The following CDC5L variants were observed in gnomAD, a reference collection of about 807,000 sequenced individuals.
CDC5L encodes the protein cell division cycle 5-like protein.
A neutral mutation model predicts 104.1 loss-of-function variants in CDC5L; 18 were observed. The observed-to-expected ratio is 0.17, with a 90% CI of 0.12 to 0.26. The LOEUF is 0.26. CDC5L is among the 10% of genes least tolerant of loss of function. The pLI, the probability that CDC5L is intolerant of heterozygous loss-of-function variation, is 1.00. For missense variants in CDC5L, 673 were observed against 956.9 expected (o/e 0.70, Z 3.91); for synonymous variants, 331 against 322.7 (o/e 1.03, Z -0.28).
chr6:44,436,581 A>G (rs1792949696), intron 14 of CDC5L, among the ~76,000 whole-genome samples: 1 of 152,158 alleles, frequency 6.6e-6, no homozygotes, highest in Non-Finnish European at 1.5e-5. Context: ...TAGATACAAT[A>G]TTGAATTTGA....
chr6:44,399,613 G>T (rs1791026294), intron 5 of CDC5L, among the ~76,000 whole-genome samples: 1 of 152,124 alleles, frequency 6.6e-6, no homozygotes, highest in Non-Finnish European at 1.5e-5. Flanking sequence ...AACATCTACT[G>T]TTGAGCCTCT....
rs856597 is a variant in CDC5L at position 44,424,922 on chromosome 6, A to G, written c.1569+339A>G. On this transcript the variant is annotated intron_variant, in intron 11 of 15. Transcript: ENST00000371477. ...ATTGGTTAGTCTTAAAAACAAATACATCTTGGTTCCTGGGTGGTGCGATGT... is the reference window on the plus strand; with the variant it reads ...ATTGGTTAGTCTTAAAAACAAATACGTCTTGGTTCCTGGGTGGTGCGATGT... Among the ~76,000 whole-genome samples the G allele has an allele frequency of 7.4e-3, 1,133 of 152,256 alleles. 13 individuals are homozygous for G. The highest frequency in any genetic ancestry group is 0.025 in the African/African-American group (1,054 of 41,544).
chr6:44,424,795 A>G (rs533814223), intron 11 of CDC5L, among the ~76,000 whole-genome samples: 1 of 152,356 alleles, frequency 6.6e-6, no homozygotes, highest in Non-Finnish European at 1.5e-5. Context: ...AAAAATATAT[A>G]TATGGAAATT....
chr6:44,446,337 A>G (rs540459053), intron 15 of CDC5L, among the ~76,000 whole-genome samples: 3 of 152,228 alleles, frequency 2.0e-5, no homozygotes, highest in Non-Finnish European at 4.4e-5. Context: ...AAGGGCAGTC[A>G]GGGCTTCTTG....
chr6:44,396,833 G>C (rs1047293710), intron 5 of CDC5L, among the ~76,000 whole-genome samples: 1 of 152,140 alleles, frequency 6.6e-6, no homozygotes, highest in African/African-American at 2.4e-5. Flanking sequence ...TATTTTAAAG[G>C]ATACAAATCA....
intron 8 of CDC5L, among the ~76,000 whole-genome samples, chr6:44,411,637 A>AGAGAGAGAGAGAGAGTGTGTGTGT: frequency 8.1e-6 from 1 of 123,640 alleles, no homozygotes; most frequent in African/African-American, 3.0e-5. Flanking sequence ...AGAGAGAGAG[A>AGAGAGAGAGAGAGAGTGTGTGTGT]GTGTGTGTGT....
In CDC5L at chr6:44,446,770, G is replaced by C; in HGVS notation, c.*59G>C. The C allele has an allele frequency of 1.2e-6, 1 of 808,492 alleles. No individual in the cohort carries two copies. Among genetic ancestry groups the C allele is most frequent in the East Asian group, 2.6e-5 (1 of 38,274 alleles). 50.1% of individuals were successfully genotyped at this position (808,492 alleles called of 1,614,324 possible). ...ATTGCCGGTTTTCATACTCTAGAAG[G>C]CTGAAACTGATGTTTATCTTCATTG... On this transcript the variant is annotated 3_prime_UTR_variant, in exon 16 of 16. Coordinates refer to ENST00000371477, the MANE Select transcript of CDC5L (RefSeq NM_001253.4).
At chr6:44,445,284 G>T (rs1458461996) in intron 14 of CDC5L, among the ~76,000 whole-genome samples, 1 of 152,058 alleles carries the variant, frequency 6.6e-6, no homozygotes, top group Non-Finnish European at 1.5e-5. Flanking sequence ...ATAAATTTTT[G>T]GGATATAGAT....
rs376816944 is a variant in CDC5L, at chr6:44,390,746, A to G, written c.149+375A>G. Among the ~76,000 whole-genome samples the G allele has an allele frequency of 6.3e-4, 96 of 152,260 alleles. 1 individual carries two copies. The East Asian group carries it at 9.8e-3, about 16-fold the overall frequency. ...TAAATTAATTGTGTTCTAAAAGTGC[A>G]TAAGTTAGCTGTTTTAGAAATTACT... On this transcript the variant is annotated intron_variant, in intron 2 of 15. Coordinates refer to ENST00000371477, the MANE Select transcript of CDC5L (RefSeq NM_001253.4).
intron 8 of CDC5L, among the ~76,000 whole-genome samples, chr6:44,419,096 T>C (rs1792036830): frequency 6.6e-6 from 1 of 152,140 alleles, no homozygotes; most frequent in South Asian, 2.1e-4. Context: ...TGAATGGTAT[T>C]GCCTAGGTTT....
chr6:44,401,686 G>C (rs1024718493), intron 5 of CDC5L, among the ~76,000 whole-genome samples: 9 of 150,526 alleles, frequency 6.0e-5, no homozygotes, highest in Non-Finnish European at 1.3e-4. Flanking sequence ...TAAGTTTTAG[G>C]GTACATGTGC....
At chr6:44,446,451 A>G (rs1793457673) in intron 15 of CDC5L, among the ~76,000 whole-genome samples, 156 bp from the exon 16 acceptor site, 1 of 152,250 alleles carries the variant, frequency 6.6e-6, no homozygotes, top group South Asian at 2.1e-4. Context: ...TACTGGTTTT[A>G]TAGCAAAAGT....
In CDC5L at chr6:44,419,615, G is replaced by A. The variant is rs776925445; in HGVS notation, c.1241+18G>A. On this transcript the variant is annotated intron_variant, in intron 9 of 15. Transcript: ENST00000371477. ...CCATTCAGGTATTGTAAATGAACAC[G>A]TTTTTATTTTAGAAAAACTTGAATT... The A allele has an allele frequency of 1.4e-5, 23 of 1,600,152 alleles. No individual in the cohort carries two copies. The highest frequency in any genetic ancestry group is 2.2e-5 in the South Asian group (2 of 90,220).
intron 8 of CDC5L, 130 bp downstream of exon 8, chr6:44,408,762 T>C (rs927349553): frequency 1.7e-5 from 9 of 514,936 alleles, no homozygotes; most frequent in Middle Eastern, 2.9e-4. Context: ...CCTGAATGCA[T>C]AGATCTTGCA....
chr6:44,441,132 C>G (rs1793167133), intron 14 of CDC5L, among the ~76,000 whole-genome samples: 1 of 152,192 alleles, frequency 6.6e-6, no homozygotes, highest in African/African-American at 2.4e-5. Flanking sequence ...CAACATCTCC[C>G]CTTTCCCTAT....
chr6:44,418,525 C>G (rs1792004719), intron 8 of CDC5L, among the ~76,000 whole-genome samples: 2 of 152,146 alleles, frequency 1.3e-5, no homozygotes, highest in South Asian at 4.1e-4. Flanking sequence ...AATGGGATGG[C>G]TGGGTCAAAT....
Position 44,446,608 on chromosome 6 carries a change from G to A in CDC5L, c.2306G>A (p.Cys769Tyr), listed in dbSNP as rs759681849. 6.6e-7 allele frequency: 1 copy of A among 1,510,722 alleles called. No homozygotes were observed. Among genetic ancestry groups the A allele is most frequent in the Admixed American group, 2.0e-5 (1 of 50,866 alleles). The allele number at this position is 1,510,722 out of a possible 1,614,324, so 93.6% of individuals were successfully genotyped here. ...ATTACTTAATTTTTTTTCTTTAAGT[G>A]TCTAAAAGAAGACGTTCAGCGACAA... is the stretch of plus-strand genomic sequence containing the variant. ...EDSAIPRRLE[C>Y]LKEDVQRQQE... Residue 769 changes from cysteine (C) to tyrosine (Y), a missense_variant and splice_region_variant, in exon 16 of 16, where the codon TGT becomes TAT. This residue lies in a region of CDC5L where 578 missense variants were observed against 737.0 expected (regional missense o/e 0.78). Coordinates refer to ENST00000371477, the MANE Select transcript of CDC5L (RefSeq NM_001253.4).
At chr6:44,413,875 G>A (rs1791778173) in intron 8 of CDC5L, among the ~76,000 whole-genome samples, 1 of 152,274 alleles carries the variant, frequency 6.6e-6, no homozygotes, top group East Asian at 1.9e-4. Flanking sequence ...ATCAGCCACC[G>A]TGCCTAGCAC....
chr6:44,406,950 C>A (rs75401776), intron 7 of CDC5L, among the ~76,000 whole-genome samples: 17,009 of 151,622 alleles, frequency 0.11, 1,629 homozygotes, highest in East Asian at 0.55. Context: ...ACAAAAAAAA[C>A]CCCACAAGTA....
Sources: allele counts gnomAD v4.1 joint callset (sites outside exome capture counted in the v4.1 genomes callset), GRCh38; gene constraint gnomAD v4.1.1; regional missense constraint gnomAD v4.1.1; transcripts MANE v1.5; gene names NCBI Gene and HGNC (gene_info 2026-07-23, HGNC 2026-07-21).